The following PPP1R12A variants were observed in gnomAD, a reference collection of about 807,000 sequenced individuals.
PPP1R12A encodes protein phosphatase 1 regulatory subunit 12A, also known as myosin binding subunit.
A neutral mutation model predicts 139.6 loss-of-function variants in PPP1R12A; 19 were observed. The observed-to-expected ratio is 0.14, with a 90% CI of 0.09 to 0.20. The LOEUF is 0.20. Among genes scored for constraint, PPP1R12A ranks in the 10% least tolerant of loss-of-function variants. PPP1R12A has a pLI of 1.00. For synonymous variants in PPP1R12A, 427 were observed against 420.6 expected, an observed-to-expected ratio of 1.02 and a Z score of -0.19; for missense variants, 925 against 1,211.5, an observed-to-expected ratio of 0.76 and a Z score of 3.51.
Position 79,796,912 on chromosome 12 carries a change from T to A in PPP1R12A, c.2331A>T (p.Ser777=), listed in dbSNP as rs1367169453. 1.4e-5 allele frequency: 23 copies of A among 1,612,656 alleles called. No individual in the cohort carries two copies. The highest frequency in any genetic ancestry group is 4.0e-5 in the African/African-American group (3 of 74,826). ...TAGAAAGTGAAGAGGATGGAGTGGTTGAACTTGAAGTTGATACTGGCCTAT... is the reference window on the plus strand; with the variant it reads ...TAGAAAGTGAAGAGGATGGAGTGGTAGAACTTGAAGTTGATACTGGCCTAT... The part of the protein sequence containing the change: ...QRYRPVSTSS[S]TTPSSSLSTM... The change falls in exon 17 of 25, where the codon TCA becomes TCT. Residue 777 remains serine, a synonymous_variant. Transcript: ENST00000450142.
chr12:79,855,876 C>T (rs1880594472), intron 2 of PPP1R12A, among the ~76,000 whole-genome samples: 1 of 151,736 alleles, frequency 6.6e-6, no homozygotes, highest in South Asian at 2.1e-4. Flanking sequence ...GGAAGTAGTA[C>T]ATTTTTATAT....
rs370551419 is a variant in PPP1R12A at position 79,808,519 on chromosome 12, A to G, written c.1514T>C (p.Leu505Pro). The G allele has an allele frequency of 2.1e-5, 33 of 1,609,724 alleles. No homozygotes were observed. The highest frequency in any genetic ancestry group is 2.5e-5 in the Non-Finnish European group (30 of 1,176,832). ...AYVAPTIPRRLASTSDIEEKE... is the reference protein window; with the variant it reads ...AYVAPTIPRRPASTSDIEEKE... ...CTCTTCAATGTCAGATGTACTGGCT[A>G]GTCGTCTTGGTATTGTAGGTGCAAC... Residue 505 changes from leucine (L) to proline (P), a missense_variant, in exon 11 of 25, where the codon CTA becomes CCA. By Grantham distance (98) the Leu-to-Pro change is moderately conservative. Coordinates refer to ENST00000450142, the MANE Select transcript of PPP1R12A (RefSeq NM_002480.3).
intron 1 of PPP1R12A, among the ~76,000 whole-genome samples, chr12:79,912,830 C>A (rs1287565433): frequency 6.6e-6 from 1 of 152,148 alleles, no homozygotes; most frequent in Non-Finnish European, 1.5e-5. Flanking sequence ...CAACAATCTC[C>A]TGTGGAATTT....
intron 2 of PPP1R12A, among the ~76,000 whole-genome samples, chr12:79,867,494 G>A (rs1882099648): frequency 6.7e-6 from 1 of 149,164 alleles, no homozygotes; most frequent in Non-Finnish European, 1.5e-5. Flanking sequence ...TAGAAAATAT[G>A]TTCAAATGCA....
intron 2 of PPP1R12A, among the ~76,000 whole-genome samples, chr12:79,847,964 C>T (rs1879601729): frequency 6.6e-6 from 1 of 152,150 alleles, no homozygotes; most frequent in Non-Finnish European, 1.5e-5. Context: ...CACACCCTCC[C>T]TCTAACAGTG....
intron 2 of PPP1R12A, among the ~76,000 whole-genome samples, chr12:79,856,493 T>G (rs1405898591): frequency 6.6e-6 from 1 of 152,268 alleles, no homozygotes; most frequent in Non-Finnish European, 1.5e-5. Flanking sequence ...AGTCTATTTC[T>G]TTGGATGATG....
intron 20 of PPP1R12A, 23 bp from the exon 21 acceptor site, chr12:79,788,806 A>C (rs1256479444): frequency 1.3e-6 from 2 of 1,551,062 alleles, no homozygotes; most frequent in Non-Finnish European, 1.7e-6. Context: ...AATTTAAATA[A>C]AAAACCTTGT....
intron 1 of PPP1R12A, among the ~76,000 whole-genome samples, chr12:79,930,350 T>C (rs1888157584): frequency 6.6e-6 from 1 of 151,966 alleles, no homozygotes; most frequent in South Asian, 2.1e-4. Flanking sequence ...TATATCCAAA[T>C]TTAGAGAGAG....
At chr12:79,895,899 T>C (rs1885085123) in intron 1 of PPP1R12A, among the ~76,000 whole-genome samples, 1 of 152,226 alleles carries the variant, frequency 6.6e-6, no homozygotes, top group South Asian at 2.1e-4. Context: ...TGCTGTATTT[T>C]GTAGGAGCTC....
intron 19 of PPP1R12A, among the ~76,000 whole-genome samples, chr12:79,790,729 T>A (rs1478959919): frequency 6.6e-6 from 1 of 152,198 alleles, no homozygotes; most frequent in Non-Finnish European, 1.5e-5. Flanking sequence ...AGTGGTATGC[T>A]ACACTGAAGT....
intron 1 of PPP1R12A, among the ~76,000 whole-genome samples, chr12:79,924,873 A>G (rs1039549898): frequency 6.6e-6 from 1 of 152,222 alleles, no homozygotes; most frequent in African/African-American, 2.4e-5. Flanking sequence ...TCAAATCCAC[A>G]CAACGTAAAG....
chr12:79,890,951 ACTCT>A lies in PPP1R12A; in HGVS notation c.238-18017_238-18014del, dbSNP rs150343086. ...CACACACACACACACACATTCACTCACTCTCTCTCTCTCTTTCTCTCTCTCTCCA... is the reference window on the plus strand; with the variant it reads ...CACACACACACACACACATTCACTCACTCTCTCTCTTTCTCTCTCTCTCCA... On this transcript the variant is annotated intron_variant, in intron 1 of 24. Transcript: ENST00000450142. Among the ~76,000 whole-genome samples the A allele has an allele frequency of 4.3e-3, 523 of 122,526 alleles. 3 individuals carry two copies. Among genetic ancestry groups the A allele is most frequent in the African/African-American group, 0.012 (436 of 36,074 alleles). 80.4% of individuals were successfully genotyped at this position (122,526 alleles called of 152,430 possible).
Position 79,796,873 on chromosome 12 carries a change from T to A in PPP1R12A, c.2370A>T (p.Ser790=). 6.2e-7 allele frequency: 1 copy of A among 1,611,514 alleles called. No homozygotes were observed. The highest frequency in any genetic ancestry group is 2.2e-5 in the East Asian group (1 of 44,790). Residue 790 remains serine (S), a synonymous_variant, in exon 17 of 25, where the codon TCA becomes TCT. Transcript: ENST00000450142. Reference sequence around the variant, plus strand: ...TGTTTAGTTGACTTGAAGCATACAGTGAACTGCTCATAGTAGAAAGTGAAG... The same window carrying A: ...TGTTTAGTTGACTTGAAGCATACAGAGAACTGCTCATAGTAGAAAGTGAAG... ...PSSSLSTMSS[S]LYASSQLNRP...
intron 2 of PPP1R12A, among the ~76,000 whole-genome samples, chr12:79,863,372 T>G (rs1005827019): frequency 2.0e-5 from 3 of 152,024 alleles, no homozygotes; most frequent in Admixed American, 6.6e-5. Context: ...CATGCCAAAT[T>G]GTAAATACCA....
At chr12:79,875,381 G>C (rs1883000724) in intron 1 of PPP1R12A, among the ~76,000 whole-genome samples, 2 of 152,214 alleles carry the variant, frequency 1.3e-5, no homozygotes. Context: ...CACTCAAGGA[G>C]CCTTTAACTT....
intron 9 of PPP1R12A, among the ~76,000 whole-genome samples, chr12:79,810,352 T>G (rs1356642553): frequency 1.3e-5 from 2 of 152,192 alleles, no homozygotes; most frequent in Admixed American, 1.3e-4. Flanking sequence ...AAACTTGTTA[T>G]GTTGTAACCT....
At chr12:79,926,247 A>G (rs368991457) in intron 1 of PPP1R12A, among the ~76,000 whole-genome samples, 38 of 152,356 alleles carry the variant, frequency 2.5e-4, no homozygotes, top group African/African-American at 8.9e-4. Context: ...GTGAAGAGGC[A>G]TGATCTCAGT....
chr12:79,778,477 C>T (rs1186914913), intron 24 of PPP1R12A, 73 bp downstream of exon 24: 4 of 1,023,014 alleles, frequency 3.9e-6, no homozygotes, highest in Non-Finnish European at 5.5e-6. Flanking sequence ...TAATGTAAAC[C>T]ATATCTATAA....
intron 14 of PPP1R12A, among the ~76,000 whole-genome samples, chr12:79,798,856 A>C (rs1426511825): frequency 6.6e-6 from 1 of 152,142 alleles, no homozygotes; most frequent in African/African-American, 2.4e-5. Flanking sequence ...TTAAGATGGA[A>C]CCACATTTTT....
Sources: gnomAD v4.1 joint callset for allele counts (sites outside exome capture counted in the v4.1 genomes callset) on GRCh38, gnomAD v4.1.1 for gene constraint, MANE v1.5 for transcripts, NCBI Gene and HGNC (gene_info 2026-07-23, HGNC 2026-07-21) for gene names.